Variants in PHF7 observed in about 807,000 individuals in gnomAD.
PHF7 encodes E3 ubiquitin-protein ligase PHF7.
In PHF7, 24 loss-of-function variants were observed where a neutral mutation model predicts 47.5. The ratio of observed to expected loss-of-function variants is 0.51; its 90% CI spans 0.37 to 0.71. The LOEUF (loss-of-function observed/expected upper bound fraction) is 0.71. PHF7 is among the 30% of genes least tolerant of loss of function. The probability of loss-of-function intolerance (pLI) is 0.00; values close to 1 mark genes in which losing one functional copy is unlikely to be tolerated. For missense variants in PHF7, 361 were observed against 456.8 expected (o/e 0.79, Z 1.91); for synonymous variants, 156 against 153.8 (o/e 1.01, Z -0.11).
chr3:52,422,971 A>AG, intron 10 of PHF7, 90 bp downstream of exon 10: 1 of 1,557,202 alleles, frequency 6.4e-7, no homozygotes, highest in Non-Finnish European at 8.8e-7. Flanking sequence ...ATCCCACCAG[A>AG]GGGGGATTAA....
At chr3:52,416,208 T>A (rs1226521598) in intron 4 of PHF7, among the ~76,000 whole-genome samples, 1 of 149,696 alleles carries the variant, frequency 6.7e-6, no homozygotes, top group South Asian at 2.1e-4. Context: ...TTTTTTGAGA[T>A]GGAGTCTCGC....
intron 3 of PHF7, 136 bp from the exon 4 acceptor site, chr3:52,414,360 A>G: frequency 1.5e-6 from 1 of 671,496 alleles, no homozygotes; most frequent in South Asian, 1.8e-5. Flanking sequence ...CCTCATCCCA[A>G]CCTTCCTCCT....
At position 52,411,123 on chromosome 3, in the gene PHF7, C is replaced by T. The variant is rs1276159513; in HGVS notation, c.-194C>T. 1 of 152,240 alleles carries T rather than the reference C, an allele frequency of 6.6e-6. No homozygotes were observed. Among genetic ancestry groups the T allele is most frequent in the African/African-American group, 2.4e-5 (1 of 41,458 alleles). The allele number at this position is 152,240 out of a possible 1,614,324, so 9.4% of individuals were successfully genotyped here. A position where few individuals can be genotyped will look rare whatever the true frequency, so the allele number is the denominator to read the frequency against. On this transcript the variant is annotated 5_prime_UTR_variant, in exon 1 of 11. Transcript: ENST00000327906. ...GCCACTGCCTGGCAGCTTGTGGAAG[C>T]CTCATTTGCAAAGCCACCCCTCAGA...
intron 4 of PHF7, among the ~76,000 whole-genome samples, chr3:52,419,250 C>T (rs1429374035): frequency 6.6e-6 from 1 of 152,034 alleles, no homozygotes; most frequent in African/African-American, 2.4e-5. Context: ...TTGAGCAGGT[C>T]GCATCATCTC....
rs1705392554 is a variant in PHF7, at chr3:52,410,712, A to C, written c.-605A>C. 1 of 152,640 alleles carries C rather than the reference A, an allele frequency of 6.6e-6. No individual in the cohort carries two copies. The highest frequency in any genetic ancestry group is 1.5e-5 in the Non-Finnish European group (1 of 68,144). 9.5% of individuals were successfully genotyped at this position (152,640 alleles called of 1,614,324 possible). A position where few individuals can be genotyped will look rare whatever the true frequency, so the allele number is the denominator to read the frequency against. ...GGGCGGCCGCCCGGAGGTAGCTACC[A>C]CGGCCTGTGTCAACGACTAAAGCTC... On this transcript the variant is annotated 5_prime_UTR_variant, in exon 1 of 11. Coordinates refer to ENST00000327906, the MANE Select transcript of PHF7 (RefSeq NM_016483.7).
At chr3:52,412,333 C>T (rs1185694628) in intron 1 of PHF7, among the ~76,000 whole-genome samples, 1 of 152,196 alleles carries the variant, frequency 6.6e-6, no homozygotes, top group African/African-American at 2.4e-5. Flanking sequence ...GCTACCTTAT[C>T]TAGCTTTCAC....
intron 1 of PHF7, 199 bp downstream of exon 1, chr3:52,411,446 A>G (rs1220865794): frequency 6.6e-6 from 1 of 152,320 alleles, no homozygotes; most frequent in Non-Finnish European, 1.5e-5. Flanking sequence ...AGAGGAGGAG[A>G]CAGAACAAGC....
chr3:52,410,822 G>A lies in PHF7; in HGVS notation c.-495G>A, dbSNP rs1705399146. 6.5e-6 allele frequency: 1 copy of A among 152,764 alleles called. No individual in the cohort carries two copies. Among genetic ancestry groups the A allele is most frequent in the African/African-American group, 2.4e-5 (1 of 41,450 alleles). The allele number at this position is 152,764 out of a possible 1,614,324, so 9.5% of individuals were successfully genotyped here. ...TGAGCTACCGCGAGGAGGAGCGGCG[G>A]AGGCGACCTCGGCCCGGCCCTGCAC... On this transcript the variant is annotated 5_prime_UTR_variant, in exon 1 of 11. Transcript: ENST00000327906.
chr3:52,414,704 T>C lies in PHF7; in HGVS notation c.186+117T>C, dbSNP rs1288747474. 11 of 588,668 alleles carry C rather than the reference T, an allele frequency of 1.9e-5. No individual in the cohort carries two copies. The East Asian group carries it at 2.7e-4, about 15-fold the overall frequency. 36.5% of individuals were successfully genotyped at this position (588,668 alleles called of 1,614,324 possible). A position where few individuals can be genotyped will look rare whatever the true frequency, so the allele number is the denominator to read the frequency against. ...GTTTTTTTATTTTTCTTAATAGCTT[T>C]TTTGTTTTAAAATCTATTTTTAGGC... On this transcript the variant is annotated intron_variant, in intron 4 of 10. Transcript: ENST00000327906.
chr3:52,423,008 A>G lies in PHF7; in HGVS notation c.920-83A>G. On this transcript the variant is annotated intron_variant, in intron 10 of 10. Coordinates refer to ENST00000327906, the MANE Select transcript of PHF7 (RefSeq NM_016483.7). ...AGTTGGTGCCTTTGACTTTGGAAGG[A>G]AAGTAGCTAGAGAGGAGCTTAAGGA... 3 of 1,508,764 alleles carry G rather than the reference A, an allele frequency of 2.0e-6. No individual in the cohort carries two copies. In the South Asian group the frequency reaches 3.5e-5, roughly 17 times the overall value. The allele number at this position is 1,508,764 out of a possible 1,614,324, so 93.5% of individuals were successfully genotyped here.
intron 4 of PHF7, among the ~76,000 whole-genome samples, chr3:52,416,704 G>C (rs1292030662): frequency 1.3e-5 from 2 of 151,418 alleles, no homozygotes; most frequent in African/African-American, 4.9e-5. Flanking sequence ...ATGGTGGCAG[G>C]CGCCTGTAGT....
At chr3:52,420,245 A>G in intron 5 of PHF7, 66 bp from the exon 6 acceptor site, 1 of 1,541,636 alleles carries the variant, frequency 6.5e-7, no homozygotes, top group Non-Finnish European at 9.0e-7. Flanking sequence ...TAATAGAAAG[A>G]TGTGCTACAC....
intron 4 of PHF7, among the ~76,000 whole-genome samples, chr3:52,416,550 G>A (rs1432526953): frequency 2.0e-5 from 3 of 151,316 alleles, no homozygotes; most frequent in South Asian, 2.1e-4. Flanking sequence ...AACACTGAGT[G>A]GTGGTCGGGC....
intron 4 of PHF7, among the ~76,000 whole-genome samples, chr3:52,415,130 C>T (rs1705583640): frequency 6.6e-6 from 1 of 152,206 alleles, no homozygotes; most frequent in African/African-American, 2.4e-5. Context: ...AAAGTTGTAA[C>T]ATCCTTCCAA....
At chr3:52,418,900 C>T (rs973945758) in intron 4 of PHF7, among the ~76,000 whole-genome samples, 4 of 151,758 alleles carry the variant, frequency 2.6e-5, no homozygotes, top group African/African-American at 4.8e-5. Context: ...CTCCGCCTCC[C>T]GGGTTCAAGC....
At chr3:52,422,991 C>G (rs1415659899) in intron 10 of PHF7, 100 bp from the exon 11 acceptor site, 1 of 1,533,286 alleles carries the variant, frequency 6.5e-7, no homozygotes, top group Non-Finnish European at 9.0e-7. Flanking sequence ...ATAGTTGGTG[C>G]CTTTGACTTT....
intron 4 of PHF7, among the ~76,000 whole-genome samples, chr3:52,415,918 T>C (rs1705610121): frequency 6.6e-6 from 1 of 152,260 alleles, no homozygotes; most frequent in Admixed American, 6.5e-5. Flanking sequence ...GAATTACTAG[T>C]TGTATGCTAA....
chr3:52,419,393 C>T (rs1455379452), intron 4 of PHF7, among the ~76,000 whole-genome samples: 3 of 151,956 alleles, frequency 2.0e-5, no homozygotes, highest in Non-Finnish European at 4.4e-5. Context: ...AAATAAATTA[C>T]CCTGTCAATG....
chr3:52,422,082 G>A (rs1705807262), intron 8 of PHF7, 140 bp from the exon 9 acceptor site: 2 of 710,164 alleles, frequency 2.8e-6, no homozygotes, highest in Non-Finnish European at 5.2e-6. Context: ...CAGGCCACTT[G>A]GCCAGCCTTG....
Sources: gnomAD v4.1 joint callset for allele counts (sites outside exome capture counted in the v4.1 genomes callset) on GRCh38, gnomAD v4.1.1 for gene constraint, MANE v1.5 for transcripts, NCBI Gene and HGNC (gene_info 2026-07-23, HGNC 2026-07-21) for gene names.